The following PRLR variants were observed in gnomAD, a reference collection of about 807,000 sequenced individuals.
PRLR encodes the protein prolactin receptor, also known as hPRL receptor.
PRLR carries 13 observed loss-of-function variants against 40.2 expected under a neutral mutation model. The observed-to-expected ratio is 0.32, with a 90% confidence interval of 0.21 to 0.51. The LOEUF (loss-of-function observed/expected upper bound fraction) is 0.51, where lower values mean the gene tolerates loss of function less well. PRLR is among the 20% of genes least tolerant of loss of function. The pLI, the probability that PRLR is intolerant of heterozygous loss-of-function variation, is 0.97. For synonymous variants in PRLR, 269 were observed against 278.7 expected (o/e 0.97, Z 0.35); for missense variants, 656 against 747.3 (o/e 0.88, Z 1.42).
At chr5:35,139,860 A>G (rs1189038170) in intron 1 of PRLR, among the ~76,000 whole-genome samples, 1 of 152,230 alleles carries the variant, frequency 6.6e-6, no homozygotes, top group East Asian at 1.9e-4. Context: ...TCAATTCAAG[A>G]TTTGCATGGA....
rs1465659146 is a variant in PRLR at position 35,084,558 on chromosome 5, C to T, written c.285G>A (p.Met95Ile). The T allele has an allele frequency of 7.5e-6, 12 of 1,607,772 alleles. No individual in the cohort carries two copies. Among genetic ancestry groups the T allele is most frequent in the Non-Finnish European group, 9.3e-6 (11 of 1,178,066 alleles). The change falls in exon 5 of 10, where the codon ATG becomes ATA. Residue 95 changes from methionine to isoleucine, a missense_variant. By Grantham distance (10) the Met-to-Ile change is conservative. This residue lies in a region of PRLR where 180 missense variants were observed against 236.8 expected (regional missense o/e 0.76). Transcript: ENST00000618457. ...SCHFGKQYTS[M>I]WRTYIMMVNA... ...TGACCATCATGATGTATGTCCTCCA[C>T]ATGGAGGTGTACTGCTTGCCAAAGT...
rs185100823 is a variant in PRLR at position 35,070,991 on chromosome 5, C to T, written c.544-726G>A. Among the ~76,000 whole-genome samples the T allele has an allele frequency of 3.1e-3, 469 of 151,730 alleles. 3 individuals are homozygous for T. Among genetic ancestry groups the T allele is most frequent in the African/African-American group, 0.011 (436 of 41,408 alleles). Reference sequence around the variant, plus strand: ...TCATGTATGGTAAAGTAGTAGTATACAAATTAAACATGACCTTACAATCAA... The same window carrying T: ...TCATGTATGGTAAAGTAGTAGTATATAAATTAAACATGACCTTACAATCAA... On this transcript the variant is annotated intron_variant, in intron 6 of 9. Transcript: ENST00000618457.
intron 1 of PRLR, among the ~76,000 whole-genome samples, chr5:35,120,423 C>T (rs1446024659): frequency 2.0e-5 from 3 of 152,126 alleles, no homozygotes; most frequent in Non-Finnish European, 4.4e-5. Context: ...CCTAAGATGG[C>T]CCTTGAATAT....
chr5:35,155,580 G>A (rs183748686), intron 1 of PRLR, among the ~76,000 whole-genome samples: 8 of 152,282 alleles, frequency 5.3e-5, no homozygotes, highest in East Asian at 1.9e-4. Context: ...AATGGAAGCC[G>A]TTGGTTCTTA....
chr5:35,150,770 T>C (rs1268236748), intron 1 of PRLR, among the ~76,000 whole-genome samples: 3 of 152,182 alleles, frequency 2.0e-5, no homozygotes, highest in Admixed American at 2.0e-4. Flanking sequence ...AAAAATCTTA[T>C]TTCACATGCC....
intron 1 of PRLR, among the ~76,000 whole-genome samples, chr5:35,201,434 G>A (rs963911093): frequency 2.6e-5 from 4 of 152,168 alleles, no homozygotes; most frequent in Non-Finnish European, 4.4e-5. Flanking sequence ...ACAGCCTTAA[G>A]GCCTGTTTGG....
chr5:35,073,753 T>C (rs1042099675), intron 5 of PRLR, among the ~76,000 whole-genome samples: 2 of 152,054 alleles, frequency 1.3e-5, no homozygotes, highest in African/African-American at 2.4e-5. Flanking sequence ...GGATACAAAA[T>C]TCAAGGAGGG....
rs954866832 is a variant in PRLR at position 35,107,022 on chromosome 5, C to T, written c.-44+11039G>A. ...GTAAAAGAACAGAAATTATAACAAA[C>T]TGTCTCTCAGACCACAGTGCAATCA... On this transcript the variant is annotated intron_variant, in intron 2 of 9. Coordinates refer to ENST00000618457, the MANE Select transcript of PRLR (RefSeq NM_000949.7). Among the ~76,000 whole-genome samples the T allele has an allele frequency of 2.0e-5, 3 of 152,310 alleles. No individual in the cohort carries two copies. In the South Asian group the frequency reaches 6.2e-4, roughly 32 times the overall value.
chr5:35,123,900 G>T (rs1773373670), intron 1 of PRLR, among the ~76,000 whole-genome samples: 1 of 152,184 alleles, frequency 6.6e-6, no homozygotes, highest in Admixed American at 6.6e-5. Flanking sequence ...AAGTTCCTCT[G>T]CTCTTTTCAC....
chr5:35,167,055 A>G (rs1426412959), intron 1 of PRLR, among the ~76,000 whole-genome samples: 1 of 152,094 alleles, frequency 6.6e-6, no homozygotes, highest in Non-Finnish European at 1.5e-5. Context: ...TCTAAGAAGA[A>G]ATTACTTCTA....
intron 5 of PRLR, among the ~76,000 whole-genome samples, chr5:35,083,429 T>TTTCTCTCTTC (rs1485422762): frequency 3.5e-5 from 5 of 144,252 alleles, no homozygotes; most frequent in Admixed American, 3.3e-4. Context: ...AATCTCTCTC[T>TTTCTCTCTTC]CTCTCTCTTC....
intron 2 of PRLR, among the ~76,000 whole-genome samples, chr5:35,109,287 C>T (rs1249621098): frequency 6.6e-6 from 1 of 152,148 alleles, no homozygotes; most frequent in Non-Finnish European, 1.5e-5. Context: ...TAGGCAATAC[C>T]ATTCAGGATA....
At chr5:35,108,250 A>C (rs938152413) in intron 2 of PRLR, among the ~76,000 whole-genome samples, 1 of 152,196 alleles carries the variant, frequency 6.6e-6, no homozygotes, top group African/African-American at 2.4e-5. Flanking sequence ...ATTTATGACA[A>C]ACCCACAGCC....
intron 1 of PRLR, among the ~76,000 whole-genome samples, chr5:35,185,170 G>A (rs923018619): frequency 6.6e-6 from 1 of 152,114 alleles, no homozygotes; most frequent in African/African-American, 2.4e-5. Flanking sequence ...CTGATGCTTC[G>A]TCCATACACT....
chr5:35,176,128 T>G (rs977323972), intron 1 of PRLR, among the ~76,000 whole-genome samples: 6 of 152,194 alleles, frequency 3.9e-5, no homozygotes, highest in Admixed American at 2.6e-4. Context: ...CAGTTGAGTC[T>G]TTCTGTACTG....
intron 1 of PRLR, among the ~76,000 whole-genome samples, chr5:35,161,285 C>T (rs1579748494): frequency 6.6e-6 from 1 of 152,310 alleles, no homozygotes; most frequent in East Asian, 1.9e-4. Flanking sequence ...TTACTTCCCT[C>T]CTGTAGTACC....
At chr5:35,217,089 G>A (rs890463475) in intron 1 of PRLR, among the ~76,000 whole-genome samples, 6 of 152,208 alleles carry the variant, frequency 3.9e-5, no homozygotes, top group African/African-American at 1.4e-4. Context: ...TTAACTCCAC[G>A]TATCCTTCTG....
chr5:35,161,246 C>G (rs1237158376), intron 1 of PRLR, among the ~76,000 whole-genome samples: 1 of 152,158 alleles, frequency 6.6e-6, no homozygotes, highest in Non-Finnish European at 1.5e-5. Context: ...CTGCGCAACC[C>G]TAGAAAGTGA....
intron 1 of PRLR, among the ~76,000 whole-genome samples, chr5:35,175,852 A>G (rs1775133332): frequency 6.6e-6 from 1 of 151,516 alleles, no homozygotes; most frequent in African/African-American, 2.4e-5. Flanking sequence ...ACTATCAATG[A>G]TCTTAGCACA....
Sources: allele counts gnomAD v4.1 joint callset (sites outside exome capture counted in the v4.1 genomes callset), GRCh38; gene constraint gnomAD v4.1.1; regional missense constraint gnomAD v4.1.1; transcripts MANE v1.5; gene names NCBI Gene and HGNC (gene_info 2026-07-23, HGNC 2026-07-21).